The following CYP39A1 variants were observed in gnomAD, a reference collection of about 807,000 sequenced individuals.
The protein encoded by CYP39A1 is 24-hydroxycholesterol 7-alpha-hydroxylase.
A neutral mutation model predicts 58.1 loss-of-function variants in CYP39A1; 49 were observed. The observed-to-expected ratio is 0.84, with a 90% CI of 0.67 to 1.07. The LOEUF is 1.07. Among genes scored for constraint, CYP39A1 ranks in the 50% least tolerant of loss-of-function variants. The pLI, the probability that CYP39A1 is intolerant of heterozygous loss-of-function variation, is 0.00. For synonymous variants in CYP39A1, 209 were observed against 187.6 expected, an observed-to-expected ratio of 1.11 and a Z score of -0.93; for missense variants, 531 against 539.4, an observed-to-expected ratio of 0.98 and a Z score of 0.16.
intron 1 of CYP39A1, among the ~76,000 whole-genome samples, chr6:46,643,594 C>T (rs1377463443): frequency 1.3e-5 from 2 of 152,272 alleles, no homozygotes; most frequent in East Asian, 1.9e-4. Context: ...CTTAACTTCC[C>T]ATTAGTAGGT....
intron 7 of CYP39A1, among the ~76,000 whole-genome samples, chr6:46,601,619 A>G (rs2150532581): frequency 6.6e-6 from 1 of 152,034 alleles, no homozygotes; most frequent in Middle Eastern, 3.4e-3. Flanking sequence ...TAATACGTGT[A>G]AAGCGCTTAC....
chr6:46,607,498 CAT>C (rs1561985941), intron 7 of CYP39A1, among the ~76,000 whole-genome samples: 1 of 151,188 alleles, frequency 6.6e-6, no homozygotes, highest in East Asian at 1.9e-4. Flanking sequence ...CACATGCATA[CAT>C]GCAGACATAG....
intron 7 of CYP39A1, among the ~76,000 whole-genome samples, chr6:46,600,973 T>C (rs1418156658): frequency 3.9e-5 from 6 of 152,134 alleles, no homozygotes; most frequent in African/African-American, 1.2e-4. Flanking sequence ...GCATCTGAAG[T>C]TGGGGAGAGT....
chr6:46,583,584 G>GAAACA (rs1772280439), intron 10 of CYP39A1: 1 of 985,266 alleles, frequency 1.0e-6, no homozygotes, highest in East Asian at 1.1e-4. Flanking sequence ...TTGTTTTTCT[G>GAAACA]AAACAAAACA....
chr6:46,629,269 T>C (rs930788493), intron 6 of CYP39A1, among the ~76,000 whole-genome samples: 2 of 152,210 alleles, frequency 1.3e-5, no homozygotes, highest in Non-Finnish European at 2.9e-5. Flanking sequence ...CTGTGTCAGA[T>C]CAATGGGGCT....
At chr6:46,601,246 A>G (rs1185580613) in intron 7 of CYP39A1, among the ~76,000 whole-genome samples, 1 of 152,074 alleles carries the variant, frequency 6.6e-6, no homozygotes. Context: ...CATCCACATC[A>G]TTCCATCTCC....
chr6:46,629,645 T>C (rs915015190), intron 6 of CYP39A1, among the ~76,000 whole-genome samples: 1 of 152,202 alleles, frequency 6.6e-6, no homozygotes, highest in Non-Finnish European at 1.5e-5. Context: ...TTTAACAACC[T>C]AGGCCTTTAT....
At chr6:46,562,850 T>C (rs937353088) in intron 10 of CYP39A1, among the ~76,000 whole-genome samples, 7 of 152,076 alleles carry the variant, frequency 4.6e-5, no homozygotes, top group Non-Finnish European at 7.4e-5. Flanking sequence ...TAAAACTACA[T>C]TTCCCTTAAA....
chr6:46,639,256 G>C (rs1776177768), intron 3 of CYP39A1, among the ~76,000 whole-genome samples: 1 of 152,030 alleles, frequency 6.6e-6, no homozygotes, highest in South Asian at 2.1e-4. Flanking sequence ...GACTGTATTG[G>C]CTTGTTTGCT....
intron 11 of CYP39A1, among the ~76,000 whole-genome samples, chr6:46,551,526 A>G (rs1013920388): frequency 2.0e-5 from 3 of 152,224 alleles, no homozygotes; most frequent in African/African-American, 7.2e-5. Flanking sequence ...CTGACCACAG[A>G]TCCTTAAACT....
At chr6:46,627,352 A>G (rs1775376533) in intron 6 of CYP39A1, among the ~76,000 whole-genome samples, 1 of 152,166 alleles carries the variant, frequency 6.6e-6, no homozygotes, top group Non-Finnish European at 1.5e-5. Context: ...ATAAAATTGG[A>G]TACTACTTTT....
chr6:46,647,228 A>T (rs373225969), intron 1 of CYP39A1, among the ~76,000 whole-genome samples: 1 of 152,114 alleles, frequency 6.6e-6, no homozygotes, highest in South Asian at 2.1e-4. Context: ...TTTATTTTTC[A>T]AGAGACTGGG....
At chr6:46,623,723 T>G (rs149018637) in intron 7 of CYP39A1, among the ~76,000 whole-genome samples, 2 of 152,290 alleles carry the variant, frequency 1.3e-5, no homozygotes, top group African/African-American at 2.4e-5. Context: ...GTTCCTTCCT[T>G]GACAGAATCC....
At chr6:46,626,658 C>T (rs1775324940) in intron 6 of CYP39A1, among the ~76,000 whole-genome samples, 1 of 152,130 alleles carries the variant, frequency 6.6e-6, no homozygotes, top group African/African-American at 2.4e-5. Flanking sequence ...AATTTAGAGG[C>T]TTTCTTTCAG....
At chr6:46,619,733 C>T (rs1774839843) in intron 7 of CYP39A1, among the ~76,000 whole-genome samples, 1 of 152,048 alleles carries the variant, frequency 6.6e-6, no homozygotes, top group African/African-American at 2.4e-5. Context: ...ACTTCCAAAC[C>T]TGTCTTCAAT....
intron 11 of CYP39A1, among the ~76,000 whole-genome samples, chr6:46,550,971 G>A (rs1392395035): frequency 3.3e-5 from 5 of 151,942 alleles, no homozygotes; most frequent in African/African-American, 4.8e-5. Flanking sequence ...GACTTTTTTC[G>A]CCCGAGTTAG....
In CYP39A1 at chr6:46,587,130, A is replaced by G. The variant is rs938803437; in HGVS notation, c.1197T>C (p.Ser399=). 1.2e-6 allele frequency: 2 copies of G among 1,612,066 alleles called. No individual in the cohort carries two copies. Among genetic ancestry groups the G allele is most frequent in the African/African-American group, 1.3e-5 (1 of 75,014 alleles). ...CAAATGCCATGAAGCAGTCCAAGAA[A>G]GAGTGCTTCTCTAAATTTGCCTTTT... The part of the protein sequence containing the change: ...RWKKANLEKH[S]FLDCFMAFGS... The change falls in exon 10 of 12, where the codon TCT becomes TCC. Residue 399 remains serine (S), a synonymous_variant. Transcript: ENST00000275016.
intron 1 of CYP39A1, among the ~76,000 whole-genome samples, chr6:46,646,045 C>T (rs957229776): frequency 6.6e-6 from 1 of 152,116 alleles, no homozygotes; most frequent in East Asian, 1.9e-4. Context: ...TCTACATAGA[C>T]AATCATGTAA....
At chr6:46,551,497 A>G (rs1770394502) in intron 11 of CYP39A1, among the ~76,000 whole-genome samples, 1 of 152,192 alleles carries the variant, frequency 6.6e-6, no homozygotes, top group African/African-American at 2.4e-5. Flanking sequence ...CCTCACTGCT[A>G]GCATCAGGAC....
Sources: allele counts gnomAD v4.1 joint callset (sites outside exome capture counted in the v4.1 genomes callset), GRCh38; gene constraint gnomAD v4.1.1; transcripts MANE v1.5; gene names NCBI Gene and HGNC (gene_info 2026-07-23, HGNC 2026-07-21).